The following TMTC1 variants were observed in gnomAD, a reference collection of about 807,000 sequenced individuals.
TMTC1 encodes the protein protein O-mannosyl-transferase TMTC1.
TMTC1 carries 73 observed loss-of-function variants against 104.8 expected under a neutral mutation model. That is an observed-to-expected ratio of 0.70 (90% CI 0.58 to 0.85). TMTC1 has a LOEUF of 0.85. TMTC1 is among the 40% of genes least tolerant of loss of function. The pLI, the probability that TMTC1 is intolerant of heterozygous loss-of-function variation, is 0.00. For synonymous variants in TMTC1, 434 were observed against 428.7 expected, an observed-to-expected ratio of 1.01 and a Z score of -0.15; for missense variants, 1,035 against 1,096.1, an observed-to-expected ratio of 0.94 and a Z score of 0.79.
chr12:29,541,654 T>G (rs1944799976), intron 10 of TMTC1, among the ~76,000 whole-genome samples: 1 of 146,594 alleles, frequency 6.8e-6, no homozygotes, highest in Non-Finnish European at 1.5e-5. Flanking sequence ...TTTTCACTGT[T>G]GCTTTTTTTT....
intron 8 of TMTC1, among the ~76,000 whole-genome samples, chr12:29,582,665 A>G (rs779217093): frequency 1.3e-5 from 2 of 152,100 alleles, no homozygotes; most frequent in African/African-American, 2.4e-5. Context: ...TCCTTAAGTG[A>G]TATTAGCTCT....
At chr12:29,741,206 G>T (rs1023102380) in intron 5 of TMTC1, among the ~76,000 whole-genome samples, 1 of 152,082 alleles carries the variant, frequency 6.6e-6, no homozygotes, top group East Asian at 1.9e-4. Context: ...AAAGACTTAA[G>T]TAGGCAAAAA....
At chr12:29,701,004 C>T (rs1941573977) in intron 5 of TMTC1, among the ~76,000 whole-genome samples, 1 of 151,594 alleles carries the variant, frequency 6.6e-6, no homozygotes, top group Admixed American at 6.6e-5. Flanking sequence ...AAGCAAACTT[C>T]CCAATTCCCA....
chr12:29,643,997 TATATAA>T (rs1216631339), intron 5 of TMTC1, among the ~76,000 whole-genome samples: 4 of 116,204 alleles, frequency 3.4e-5, no homozygotes, highest in South Asian at 2.4e-4. Flanking sequence ...ATATAATTTA[TATATAA>T]ATATAAATAT....
chr12:29,572,030 T>C (rs1026580356), intron 9 of TMTC1, 75 bp downstream of exon 9: 28 of 1,174,784 alleles, frequency 2.4e-5, no homozygotes, highest in South Asian at 5.1e-5. Context: ...CCTCTCCATA[T>C]ACTGGGAGGG....
chr12:29,767,216 G>C (rs1943486686), intron 2 of TMTC1, among the ~76,000 whole-genome samples: 1 of 152,154 alleles, frequency 6.6e-6, no homozygotes, highest in African/African-American at 2.4e-5. Context: ...GCCTCCCAAA[G>C]TGCTGGGATT....
At chr12:29,574,772 C>A (rs1439246325) in intron 8 of TMTC1, among the ~76,000 whole-genome samples, 1 of 152,206 alleles carries the variant, frequency 6.6e-6, no homozygotes, top group South Asian at 2.1e-4. Context: ...ACCCTCATCA[C>A]TTCCTCACAG....
intron 16 of TMTC1, among the ~76,000 whole-genome samples, chr12:29,514,134 G>GAATA (rs1943917162): frequency 6.6e-6 from 1 of 152,142 alleles, no homozygotes; most frequent in African/African-American, 2.4e-5. Flanking sequence ...GGACATGTGG[G>GAATA]AATGTCCAAG....
chr12:29,743,701 AATT>A (rs1399600864), intron 5 of TMTC1, among the ~76,000 whole-genome samples: 1 of 152,204 alleles, frequency 6.6e-6, no homozygotes, highest in Non-Finnish European at 1.5e-5. Flanking sequence ...CTCATGAAAA[AATT>A]ATTTATATAT....
intron 8 of TMTC1, among the ~76,000 whole-genome samples, chr12:29,578,684 G>A (rs1357844241): frequency 1.3e-5 from 2 of 152,096 alleles, no homozygotes; most frequent in Non-Finnish European, 2.9e-5. Context: ...CTTTAATCAG[G>A]TGTATCTCCA....
intron 8 of TMTC1, among the ~76,000 whole-genome samples, chr12:29,578,788 A>C (rs1298583855): frequency 6.6e-6 from 1 of 152,166 alleles, no homozygotes; most frequent in African/African-American, 2.4e-5. Context: ...AAACATGAAA[A>C]AAATACTTGT....
intron 6 of TMTC1, among the ~76,000 whole-genome samples, chr12:29,612,256 T>C (rs1169621393): frequency 2.0e-5 from 3 of 152,176 alleles, no homozygotes; most frequent in Non-Finnish European, 4.4e-5. Context: ...GAGGGTGCTA[T>C]TGGTTTACTT....
intron 5 of TMTC1, 109 bp from the exon 6 acceptor site, chr12:29,633,445 T>A (rs1339974750): frequency 2.7e-5 from 24 of 896,888 alleles, no homozygotes; most frequent in Non-Finnish European, 3.8e-5. Flanking sequence ...GTCAATGTTA[T>A]CTTGGAGGAG....
At chr12:29,520,126 T>A (rs765797636) in intron 12 of TMTC1, among the ~76,000 whole-genome samples, 6 of 152,254 alleles carry the variant, frequency 3.9e-5, no homozygotes, top group African/African-American at 1.4e-4. Flanking sequence ...AAGTGTATTT[T>A]ATATAGCACC....
chr12:29,556,908 T>C lies in TMTC1; in HGVS notation c.1625A>G (p.Gln542Arg), dbSNP rs1945260095. Reference sequence around the variant, plus strand: ...AGCCCGGTTATGCTGTGGATGGAGCTGGAGAGCCCTCTGATAGTACATCTT... The same window carrying C: ...AGCCCGGTTATGCTGTGGATGGAGCCGGAGAGCCCTCTGATAGTACATCTT... ...EAKMYYQRAL[Q>R]LHPQHNRALF... is the part of the protein sequence containing the mutation. Residue 542 changes from glutamine to arginine, a missense_variant, in exon 10 of 18, where the codon CAG becomes CGG. Coordinates refer to ENST00000539277, the MANE Select transcript of TMTC1 (RefSeq NM_001193451.2). 5 of 1,614,112 alleles carry C rather than the reference T, an allele frequency of 3.1e-6. No homozygotes were observed. The highest frequency in any genetic ancestry group is 4.2e-6 in the Non-Finnish European group (5 of 1,179,968).
chr12:29,539,443 C>G (rs373578299), intron 10 of TMTC1, among the ~76,000 whole-genome samples: 169 of 152,260 alleles, frequency 1.1e-3, no homozygotes, highest in Middle Eastern at 3.4e-3. Context: ...GTGCCGACAA[C>G]GGGAAGAACT....
At chr12:29,596,521 A>G (rs1463574243) in intron 7 of TMTC1, among the ~76,000 whole-genome samples, 3 of 152,216 alleles carry the variant, frequency 2.0e-5, no homozygotes, top group Non-Finnish European at 4.4e-5. Context: ...CATAATAAAA[A>G]TACATTAACA....
At chr12:29,705,296 T>C (rs1227651186) in intron 5 of TMTC1, among the ~76,000 whole-genome samples, 4 of 152,236 alleles carry the variant, frequency 2.6e-5, no homozygotes, top group Non-Finnish European at 5.9e-5. Context: ...TGTAAGAGAC[T>C]AGAATATGCT....
chr12:29,709,358 G>A (rs904135230), intron 5 of TMTC1, among the ~76,000 whole-genome samples: 2 of 151,948 alleles, frequency 1.3e-5, no homozygotes, highest in South Asian at 2.1e-4. Flanking sequence ...AACTTCATAG[G>A]GCTGTGTGTA....
Sources: allele counts gnomAD v4.1 joint callset (sites outside exome capture counted in the v4.1 genomes callset), GRCh38; gene constraint gnomAD v4.1.1; transcripts MANE v1.5; gene names NCBI Gene and HGNC (gene_info 2026-07-23, HGNC 2026-07-21).